PREX2: variants seen among roughly 807,000 people sequenced by gnomAD.
PREX2 encodes the protein phosphatidylinositol-3,4,5-trisphosphate dependent Rac exchange factor 2.
In PREX2, 107 loss-of-function variants were observed where a neutral mutation model predicts 203.2. That is an observed-to-expected ratio of 0.53 (90% confidence interval 0.45 to 0.62). The LOEUF is 0.62. PREX2 is among the 20% of genes least tolerant of loss of function. The probability of loss-of-function intolerance (pLI) is 0.00; values close to 1 mark genes in which losing one functional copy is unlikely to be tolerated. For synonymous variants in PREX2, 672 were observed against 663.6 expected (o/e 1.01, Z -0.19); for missense variants, 1,777 against 1,955.9 (o/e 0.91, Z 1.72).
At chr8:68,201,178 T>G (rs187346225) in intron 37 of PREX2, among the ~76,000 whole-genome samples, 32 of 152,272 alleles carry the variant, frequency 2.1e-4, no homozygotes, top group Admixed American at 1.6e-3. Context: ...TAGGGGTTTT[T>G]TAACTACTCT....
intron 38 of PREX2, among the ~76,000 whole-genome samples, chr8:68,222,271 C>T (rs1275002294): frequency 1.3e-5 from 2 of 152,022 alleles, no homozygotes; most frequent in African/African-American, 4.8e-5. Context: ...GCCAGGGCCC[C>T]TTGGAGAATT....
In PREX2 at chr8:67,960,062, T is replaced by A. The variant is rs56253199; in HGVS notation, c.141+7527T>A. On this transcript the variant is annotated intron_variant, in intron 1 of 39. Transcript: ENST00000288368. ...TAATTAATTAATTAATTAATTAATTTATTGATCTCACTCTATCGCCCAGGC... is the reference window on the plus strand; with the variant it reads ...TAATTAATTAATTAATTAATTAATTAATTGATCTCACTCTATCGCCCAGGC... Among the ~76,000 whole-genome samples, 679 of 135,580 alleles carry A rather than the reference T, an allele frequency of 5.0e-3. 9 individuals are homozygous for A. The highest frequency in any genetic ancestry group is 0.017 in the African/African-American group (631 of 37,974). 88.9% of individuals were successfully genotyped at this position (135,580 alleles called of 152,430 possible).
chr8:68,118,495 C>T, intron 26 of PREX2, 55 bp from the exon 27 acceptor site: 1 of 1,114,296 alleles, frequency 9.0e-7, no homozygotes, highest in Non-Finnish European at 1.4e-6. Context: ...TAAGAAATTG[C>T]AGGGACACCT....
chr8:68,189,994 T>C (rs925722024), intron 35 of PREX2, among the ~76,000 whole-genome samples: 5 of 152,218 alleles, frequency 3.3e-5, no homozygotes, highest in Admixed American at 2.6e-4. Flanking sequence ...GAATAATCCA[T>C]GTTACTTTAT....
chr8:68,077,256 A>T, intron 14 of PREX2, 141 bp from the exon 15 acceptor site: 1 of 654,310 alleles, frequency 1.5e-6, no homozygotes, highest in Non-Finnish European at 2.8e-6. Context: ...TAACAATTAG[A>T]TGCATTCTGT....
intron 35 of PREX2, among the ~76,000 whole-genome samples, chr8:68,170,202 T>C (rs1218393106): frequency 6.6e-6 from 1 of 152,080 alleles, no homozygotes; most frequent in African/African-American, 2.4e-5. Context: ...AGGGTGTGTG[T>C]TGAGAGGGAT....
intron 15 of PREX2, among the ~76,000 whole-genome samples, chr8:68,079,192 C>T (rs1336773016): frequency 5.1e-4 from 78 of 152,238 alleles, no homozygotes; most frequent in Non-Finnish European, 1.5e-5. Context: ...AATAGATTCT[C>T]ACTTCTGTTG....
At chr8:68,208,315 T>G (rs955306146) in intron 37 of PREX2, among the ~76,000 whole-genome samples, 2 of 152,200 alleles carry the variant, frequency 1.3e-5, no homozygotes, top group Non-Finnish European at 2.9e-5. Flanking sequence ...ACTTGGAGGT[T>G]TATAACATTT....
In PREX2 at chr8:68,080,605, A is replaced by G. The variant is rs138148679; in HGVS notation, c.1785+20A>G. The G allele has an allele frequency of 8.2e-4, 1,288 of 1,568,388 alleles. 7 individuals are homozygous for G. The African/African-American group carries it at 0.016, about 20-fold the overall frequency. ...TTATTGGTAAGTTTATTGATATGTT[A>G]TATAAGTTTTCTTCTTGATTAGACA... On this transcript the variant is annotated intron_variant, in intron 16 of 39. Coordinates refer to ENST00000288368, the MANE Select transcript of PREX2 (RefSeq NM_024870.4).
chr8:68,122,721 T>G (rs76634336), intron 30 of PREX2, among the ~76,000 whole-genome samples: 1 of 152,076 alleles, frequency 6.6e-6, no homozygotes, highest in Non-Finnish European at 1.5e-5. Context: ...TCTCATTAGA[T>G]TCAAAGAACT....
At chr8:68,173,486 C>T (rs891049285) in intron 35 of PREX2, among the ~76,000 whole-genome samples, 9 of 152,126 alleles carry the variant, frequency 5.9e-5, no homozygotes, top group East Asian at 3.9e-4. Context: ...TATAACTGCA[C>T]GTACATTTAT....
chr8:68,011,294 A>G (rs1300736253), intron 1 of PREX2, among the ~76,000 whole-genome samples: 1 of 152,054 alleles, frequency 6.6e-6, no homozygotes, highest in African/African-American at 2.4e-5. Context: ...AAAACTTAGA[A>G]CTCTGGAATG....
chr8:68,108,251 C>T lies in PREX2; in HGVS notation c.2858C>T (p.Ser953Phe). ...MEVSYPKTST[S>F]LGSAFGVQLD... The stretch of plus-strand genomic sequence containing the variant: ...GTTTCTTATCCCAAAACATCAACCT[C>T]TTTGGGAAGTGCATTTGGTGTTCAG... The change falls in exon 24 of 40, where the codon TCT (serine) becomes TTT (phenylalanine). Residue 953 changes from serine (S) to phenylalanine (F), a missense_variant. Physicochemically the swap from Ser to Phe is radical, Grantham distance 155. Coordinates refer to ENST00000288368, the MANE Select transcript of PREX2 (RefSeq NM_024870.4). 6.2e-7 allele frequency: 1 copy of T among 1,613,920 alleles called. No individual in the cohort carries two copies. Among genetic ancestry groups the T allele is most frequent in the Non-Finnish European group, 8.5e-7 (1 of 1,179,860 alleles).
At chr8:68,224,657 G>T (rs753474885) in intron 39 of PREX2, 31 bp downstream of exon 39, 1 of 1,568,424 alleles carries the variant, frequency 6.4e-7, no homozygotes, top group Non-Finnish European at 8.8e-7. Context: ...GCCCTTGCCC[G>T]AAAGATTTGC....
intron 37 of PREX2, among the ~76,000 whole-genome samples, chr8:68,214,210 G>A (rs1441209784): frequency 6.6e-6 from 1 of 152,054 alleles, no homozygotes; most frequent in Non-Finnish European, 1.5e-5. Flanking sequence ...AGACAACCTG[G>A]GCAAAATAGT....
chr8:68,082,031 ATCATTCATTCAT>A (rs143880470), intron 17 of PREX2, among the ~76,000 whole-genome samples: 7 of 34,170 alleles, frequency 2.0e-4, no homozygotes, highest in African/African-American at 5.0e-4. Flanking sequence ...AAAACTTCTG[ATCATTCATTCAT>A]TCATTCATTC....
intron 18 of PREX2, among the ~76,000 whole-genome samples, chr8:68,085,385 T>G (rs1336961921): frequency 6.6e-6 from 1 of 152,236 alleles, no homozygotes; most frequent in Non-Finnish European, 1.5e-5. Context: ...AAATGACTTT[T>G]CCTTTATGTC....
At chr8:67,996,868 G>T (rs1806782779) in intron 1 of PREX2, among the ~76,000 whole-genome samples, 1 of 152,146 alleles carries the variant, frequency 6.6e-6, no homozygotes, top group Admixed American at 6.5e-5. Flanking sequence ...AGGGATGGAT[G>T]GTTCTGGCAA....
intron 17 of PREX2, 43 bp from the exon 18 acceptor site, chr8:68,083,197 A>G: frequency 6.9e-7 from 1 of 1,451,404 alleles, no homozygotes; most frequent in South Asian, 1.3e-5. Flanking sequence ...AAAATTTCTT[A>G]TTAAAATATA....
Sources: allele counts gnomAD v4.1 joint callset (sites outside exome capture counted in the v4.1 genomes callset), GRCh38; gene constraint gnomAD v4.1.1; transcripts MANE v1.5; gene names NCBI Gene and HGNC (gene_info 2026-07-23, HGNC 2026-07-21).